Variants in PLEC observed in about 807,000 individuals in gnomAD.
PLEC encodes the protein plectin, also known as hemidesmosomal protein 1.
A neutral mutation model predicts 392.8 loss-of-function variants in PLEC; 216 were observed. That is an observed-to-expected ratio of 0.55 (90% CI 0.49 to 0.62). The LOEUF is 0.62. PLEC is among the 20% of genes least tolerant of loss of function. PLEC has a pLI of 0.00. For missense variants in PLEC, 6,863 were observed against 6,563.4 expected (o/e 1.05, Z -1.58); for synonymous variants, 3,621 against 2,980.6 (o/e 1.21, Z -7.00).
chr8:143,975,076 G>T (rs1236152118), upstream of PLEC: 6 of 1,327,890 alleles, frequency 4.5e-6, no homozygotes, highest in Non-Finnish European at 6.4e-6. This position sits in a 1 kb window ranked among gnomAD's most constrained non-coding sequence, Gnocchi z 9.9. Context: ...ATCCCCCTAG[G>T]CCTCCCCCAC....
In PLEC at chr8:143,926,876, C is replaced by T; in HGVS notation, c.3952G>A (p.Asp1318Asn). 3 of 1,612,994 alleles carry T rather than the reference C, an allele frequency of 1.9e-6. No individual in the cohort carries two copies. The highest frequency in any genetic ancestry group is 2.5e-6 in the Non-Finnish European group (3 of 1,179,364). ...GSESVIQEYV[D>N]LRTHYSELTT... ...AGCTCGCTGTAGTGCGTACGCAGGT[C>T]CACGTACTGTGGAGTAGAGCCAGGG... Residue 1318 changes from aspartate to asparagine, a missense_variant, in exon 30 of 32, where the codon GAC becomes AAC. Transcript: ENST00000345136.
upstream of PLEC, among the ~76,000 whole-genome samples, chr8:143,955,565 A>G (rs1188815918): frequency 1.3e-5 from 2 of 152,218 alleles, no homozygotes; most frequent in African/African-American, 4.8e-5. Context: ...AAAGAGATCT[A>G]AAAAGTTCAT....
chr8:143,919,294 G>A lies in PLEC; in HGVS notation c.10527C>T (p.Thr3509=). 1 of 1,614,040 alleles carries A rather than the reference G, an allele frequency of 6.2e-7. No individual in the cohort carries two copies. The change falls in exon 32 of 32, where the codon ACC becomes ACT. Residue 3509 remains threonine (T), a synonymous_variant. Transcript: ENST00000345136. ...GCGTGTTGGGGTCAAAGAAGCCCTT[G>A]GTGTCGTCGCTGGGGTCCGCCAGGA... The part of the protein sequence containing the change: ...NRVLADPSDD[T]KGFFDPNTHE...
At position 143,923,678 on chromosome 8, in the gene PLEC, T is replaced by C; in HGVS notation, c.6251A>G (p.Glu2084Gly). 1 of 1,552,504 alleles carries C rather than the reference T, an allele frequency of 6.4e-7. No homozygotes were observed. The highest frequency in any genetic ancestry group is 8.7e-7 in the Non-Finnish European group (1 of 1,155,574). The part of the protein sequence containing the change: ...SVLDQLRGEA[E>G]AARRAAEEAE... ...CTCCTCAGCCGCCCGCCGGGCCGCC[T>C]CCGCCTCGCCGCGCAGCTGGTCCAG... Residue 2084 changes from glutamate to glycine, a missense_variant, in exon 31 of 32, where the codon GAG becomes GGG. Transcript: ENST00000345136.
intron 18 of PLEC, 55 bp downstream of exon 18, chr8:143,931,882 G>A: frequency 6.6e-7 from 1 of 1,505,960 alleles, no homozygotes; most frequent in Non-Finnish European, 9.1e-7. Flanking sequence ...GGGGGTCCAG[G>A]GGCTCCTGCA....
chr8:143,969,373 G>C lies in PLEC; in HGVS notation c.70+4030C>G, dbSNP rs1293612474. ...GGGGCTGAGGCTACTGCAGCCTGTG[G>C]CAGGAGAGCTCTGGGCACCCTATGG... On this transcript the variant is annotated intron_variant, in intron 1 of 31. Coordinates refer to the PLEC transcript ENST00000356346. The surrounding 1 kb of genome is among the most constrained non-coding windows in gnomAD (Gnocchi z 5.1). Among the ~76,000 whole-genome samples the C allele has an allele frequency of 6.6e-6, 1 of 152,236 alleles. No homozygotes were observed. The highest frequency in any genetic ancestry group is 6.5e-5 in the Admixed American group (1 of 15,282).
intron 12 of PLEC, 44 bp from the exon 13 acceptor site, chr8:143,933,395 C>G (rs1554719440): frequency 6.2e-7 from 1 of 1,601,716 alleles, no homozygotes; most frequent in East Asian, 2.2e-5. Flanking sequence ...TGATCCCCCT[C>G]TGACCTCACA....
intron 1 of PLEC, among the ~76,000 whole-genome samples, chr8:143,964,590 G>C (rs1554741699): frequency 6.6e-6 from 1 of 152,148 alleles, no homozygotes; most frequent in African/African-American, 2.4e-5. Flanking sequence ...TGGACATGTG[G>C]CCTCCAGAAC....
chr8:143,957,700 T>C (rs1009150163), upstream of PLEC, among the ~76,000 whole-genome samples: 5 of 152,152 alleles, frequency 3.3e-5, no homozygotes, highest in Non-Finnish European at 5.9e-5. Context: ...GCTCCAACCC[T>C]GTCCCCCACA....
In PLEC at chr8:143,928,937, C is replaced by T. The variant is rs182747084; in HGVS notation, c.3260+166G>A. 7.2e-5 allele frequency among the ~76,000 whole-genome samples: 11 copies of T among 152,314 alleles called. No individual in the cohort carries two copies. In the East Asian group the frequency reaches 1.5e-3, roughly 21 times the overall value. ...GAAGCGTATCCAGCCCTGAACTCTTCTCACCACCTCTGCGGCCACCACCCC... is the reference window on the plus strand; with the variant it reads ...GAAGCGTATCCAGCCCTGAACTCTTTTCACCACCTCTGCGGCCACCACCCC... On this transcript the variant is annotated intron_variant, in intron 25 of 31. Transcript: ENST00000345136.
upstream of PLEC, chr8:143,973,566 C>A: frequency 9.0e-6 from 9 of 1,001,180 alleles, no homozygotes; most frequent in Non-Finnish European, 1.1e-5. This position sits in a 1 kb window ranked among gnomAD's most constrained non-coding sequence, Gnocchi z 5.6. Flanking sequence ...AAGAGGCCGC[C>A]CCCGCCCCGC....
intron 12 of PLEC, 145 bp downstream of exon 12, chr8:143,933,853 G>A (rs782438493): frequency 6.3e-5 from 44 of 696,636 alleles, no homozygotes; most frequent in Non-Finnish European, 9.2e-5. Flanking sequence ...GCTCAGGCCT[G>A]GATTCCCCAC....
At position 143,924,029 on chromosome 8, in the gene PLEC, A is replaced by G. The variant is rs1564031595; in HGVS notation, c.5900T>C (p.Leu1967Pro). ...DTLRSKEQAE[L>P]EAARQRQLAA... Reference sequence around the variant, plus strand: ...CAGCTGCCGCTGCCTCGCAGCCTCCAGCTCGGCCTGCTCCTTGCTGCGCAG... The same window carrying G: ...CAGCTGCCGCTGCCTCGCAGCCTCCGGCTCGGCCTGCTCCTTGCTGCGCAG... Residue 1967 changes from leucine (L) to proline (P), a missense_variant, in exon 31 of 32, where the codon CTG becomes CCG. Coordinates refer to ENST00000345136, the MANE Select transcript of PLEC (RefSeq NM_201384.3). 6.3e-7 allele frequency: 1 copy of G among 1,591,938 alleles called. No individual in the cohort carries two copies. Among genetic ancestry groups the G allele is most frequent in the South Asian group, 1.1e-5 (1 of 90,368 alleles).
upstream of PLEC, among the ~76,000 whole-genome samples, chr8:143,955,997 C>G (rs1554739146): frequency 6.8e-6 from 1 of 147,104 alleles, no homozygotes; most frequent in Non-Finnish European, 1.5e-5. Flanking sequence ...GTCACCCAGG[C>G]TGGAGTGCAA....
In PLEC at chr8:143,939,343, C is replaced by T; in HGVS notation, c.112+7G>A. On this transcript the variant is annotated splice_region_variant and intron_variant, in intron 1 of 31. Coordinates refer to ENST00000345136, the MANE Select transcript of PLEC (RefSeq NM_201384.3). ...CTGGCGGGGGTGCCCGAGGGGAGCC[C>T]TGCTACCTTTCTTGCCCTCAGAGGC... The T allele has an allele frequency of 6.2e-7, 1 of 1,610,148 alleles. No homozygotes were observed. The highest frequency in any genetic ancestry group is 8.5e-7 in the Non-Finnish European group (1 of 1,178,782).
At chr8:143,950,352 C>T (rs527326290) in exon 1 of PLEC, 1 of 1,585,054 alleles carries the variant, frequency 6.3e-7, no homozygotes, top group Non-Finnish European at 8.6e-7. Flanking sequence ...GGACCCTGCA[C>T]AGCCTGCACG....
Position 143,917,080 on chromosome 8 carries a change from G to A in PLEC, c.12741C>T (p.Ser4247=), listed in dbSNP as rs782308501. The part of the protein sequence containing the change: ...SGNAGGFRSR[S]SSVGSSSSYP... ...AGGAGGAGGAGGATCCCACCGAGGA[G>A]GAACGGGAGCGGAAACCACCGGCGT... The change falls in exon 32 of 32, where the codon TCC becomes TCT. Residue 4247 remains serine (S), a synonymous_variant. Coordinates refer to ENST00000345136, the MANE Select transcript of PLEC (RefSeq NM_201384.3). 5.6e-6 allele frequency: 9 copies of A among 1,607,098 alleles called. No homozygotes were observed. The highest frequency in any genetic ancestry group is 3.3e-5 in the Admixed American group (2 of 59,906).
In PLEC at chr8:143,923,967, C is replaced by T. The variant is rs1262807525; in HGVS notation, c.5962G>A (p.Glu1988Lys). 2.5e-6 allele frequency: 4 copies of T among 1,587,810 alleles called. No homozygotes were observed. The highest frequency in any genetic ancestry group is 3.4e-6 in the Non-Finnish European group (4 of 1,173,014). Residue 1988 changes from glutamate to lysine, a missense_variant, in exon 31 of 32, where the codon GAG becomes AAG. Coordinates refer to ENST00000345136, the MANE Select transcript of PLEC (RefSeq NM_201384.3). ...EEERRRREAE[E>K]RVQKSLAAEE... ...GCCGCCAGGCTCTTCTGCACGCGCTCCTCAGCCTCACGGCGCCGCCGCTCC... is the reference window on the plus strand; with the variant it reads ...GCCGCCAGGCTCTTCTGCACGCGCTTCTCAGCCTCACGGCGCCGCCGCTCC...
At chr8:143,943,873 G>A (rs1554730618), upstream of PLEC, 5 of 1,611,942 alleles carry the variant, frequency 3.1e-6, no homozygotes, top group Non-Finnish European at 4.2e-6. Context: ...AGGGAAACAG[G>A]CTGCCCGAGG....
Sources: allele counts gnomAD v4.1 joint callset (sites outside exome capture counted in the v4.1 genomes callset), GRCh38; gene constraint gnomAD v4.1.1; non-coding constraint Gnocchi (gnomAD v3.1); transcripts MANE v1.5; gene names NCBI Gene and HGNC (gene_info 2026-07-23, HGNC 2026-07-21).